The following VAV2 variants were observed in gnomAD, a reference collection of about 807,000 sequenced individuals.
VAV2 encodes guanine nucleotide exchange factor VAV2.
VAV2 carries 67 observed loss-of-function variants against 132.5 expected under a neutral mutation model. That is an observed-to-expected ratio of 0.51 (90% CI 0.42 to 0.62). The LOEUF is 0.62. VAV2 is among the 20% of genes least tolerant of loss of function. The pLI is 0.00. For missense variants in VAV2, 938 were observed against 1,153.6 expected (o/e 0.81, Z 2.71); for synonymous variants, 492 against 443.5 (o/e 1.11, Z -1.37).
rs570283324 is a variant in VAV2, at chr9:133,802,891, C to G, written c.836+3190G>C. On this transcript the variant is annotated intron_variant, in intron 9 of 29. Transcript: ENST00000371850. This position sits in a 1 kb window ranked among gnomAD's most constrained non-coding sequence, Gnocchi z 5.8. The stretch of plus-strand genomic sequence containing the variant: ...AAGGTGCACGGCTGAGCTGCCAGCT[C>G]TGGCCTCCGTTTCCCCATCTGGGAA... 2.0e-3 allele frequency among the ~76,000 whole-genome samples: 306 copies of G among 152,338 alleles called. 1 individual carries two copies. The highest frequency in any genetic ancestry group is 6.3e-3 in the African/African-American group (260 of 41,578).
intron 3 of VAV2, among the ~76,000 whole-genome samples, chr9:133,850,242 C>T (rs1471573239): frequency 1.3e-5 from 2 of 152,190 alleles, no homozygotes; most frequent in African/African-American, 4.8e-5. Flanking sequence ...CCAAGTCTCT[C>T]AACCTCAGGC....
chr9:133,925,787 G>A (rs1413080802), intron 2 of VAV2: 1 of 152,132 alleles, frequency 6.6e-6, no homozygotes. Context: ...AGTACTCCTG[G>A]AGAAAGGTCT....
At chr9:133,929,693 C>T (rs1407440328) in intron 2 of VAV2, among the ~76,000 whole-genome samples, 3 of 152,156 alleles carry the variant, frequency 2.0e-5, no homozygotes, top group African/African-American at 4.8e-5. Context: ...ATGACCACAG[C>T]TGCCCGTCCA....
intron 3 of VAV2, among the ~76,000 whole-genome samples, chr9:133,844,828 T>G (rs1448241367): frequency 6.6e-6 from 1 of 152,206 alleles, no homozygotes; most frequent in Non-Finnish European, 1.5e-5. Flanking sequence ...AGGCAAGGCT[T>G]GGGTCTGCCC....
intron 3 of VAV2, among the ~76,000 whole-genome samples, chr9:133,841,728 C>T (rs570115125): frequency 2.0e-5 from 3 of 152,228 alleles, no homozygotes; most frequent in Admixed American, 2.0e-4. Context: ...GGTCTGGGTT[C>T]AAGCCCTGGC....
chr9:133,943,555 A>C (rs561138190), intron 1 of VAV2, among the ~76,000 whole-genome samples: 2 of 152,316 alleles, frequency 1.3e-5, no homozygotes, highest in South Asian at 4.1e-4. Flanking sequence ...CTTTAAGTCC[A>C]GCTGAGTGGC....
At chr9:133,898,812 C>T (rs9792512) in intron 2 of VAV2, among the ~76,000 whole-genome samples, 22,741 of 118,824 alleles carry the variant, frequency 0.19, 2,162 homozygotes, top group African/African-American at 0.25. Context: ...GATGCAGACC[C>T]TGCCTTTTTT....
intron 2 of VAV2, among the ~76,000 whole-genome samples, chr9:133,894,790 C>T (rs1839130992): frequency 6.6e-6 from 1 of 152,192 alleles, no homozygotes; most frequent in Non-Finnish European, 1.5e-5. Flanking sequence ...GAAGTCCAGA[C>T]TTGGGGCCCC....
chr9:133,818,760 T>C (rs1187003559), intron 4 of VAV2, among the ~76,000 whole-genome samples: 2 of 152,200 alleles, frequency 1.3e-5, no homozygotes, highest in Non-Finnish European at 2.9e-5. Context: ...CATCTGAGGG[T>C]TGGCTTCTAT....
chr9:133,876,197 T>A (rs908742651), intron 2 of VAV2, among the ~76,000 whole-genome samples: 2 of 152,236 alleles, frequency 1.3e-5, no homozygotes, highest in Non-Finnish European at 2.9e-5. Context: ...GTCCCTGGTA[T>A]TAAATCTTCC....
intron 2 of VAV2, among the ~76,000 whole-genome samples, chr9:133,915,033 G>A (rs565976488): frequency 6.7e-4 from 102 of 152,250 alleles, no homozygotes; most frequent in Middle Eastern, 3.4e-3. Context: ...CACGGGTGCT[G>A]TGTCTGGGAA....
chr9:133,992,310 T>G lies in VAV2; in HGVS notation c.-32A>C. On this transcript the variant is annotated 5_prime_UTR_variant, in exon 1 of 30. Transcript: ENST00000371850. This position sits in a 1 kb window ranked among gnomAD's most constrained non-coding sequence, Gnocchi z 5.5. ...CGCGGGCCCGACCGGCTCAGGGCAGTGCTCGAGCCAAAGTGCAGCGGCCGC... is the reference window on the plus strand; with the variant it reads ...CGCGGGCCCGACCGGCTCAGGGCAGGGCTCGAGCCAAAGTGCAGCGGCCGC... 7.5e-7 allele frequency: 1 copy of G among 1,329,672 alleles called. No homozygotes were observed. The highest frequency in any genetic ancestry group is 9.7e-7 in the Non-Finnish European group (1 of 1,032,518). 82.4% of individuals were successfully genotyped at this position (1,329,672 alleles called of 1,614,324 possible). A position where few individuals can be genotyped will look rare whatever the true frequency, so the allele number is the denominator to read the frequency against.
chr9:133,818,299 G>T (rs1194497954), intron 4 of VAV2, among the ~76,000 whole-genome samples: 1 of 150,592 alleles, frequency 6.6e-6, no homozygotes, highest in African/African-American at 2.5e-5. Flanking sequence ...CTGGGAGGCA[G>T]AGCTTGCAGT....
chr9:133,918,334 T>C lies in VAV2; in HGVS notation c.321+20769A>G, dbSNP rs1419533538. ...GGAAGGCGGCGCTGGCTCCGAGCCT[T>C]GTGTCTGCATTTCCCGCACTTTCAT... is the stretch of plus-strand genomic sequence containing the variant. On this transcript the variant is annotated intron_variant, in intron 2 of 29. Transcript: ENST00000371850. The surrounding 1 kb of genome is among the most constrained non-coding windows in gnomAD (Gnocchi z 4.7). Among the ~76,000 whole-genome samples, 1 of 147,902 alleles carries C rather than the reference T, an allele frequency of 6.8e-6. No individual in the cohort carries two copies. The highest frequency in any genetic ancestry group is 2.1e-4 in the East Asian group (1 of 4,840).
At chr9:133,923,267 G>C (rs535577935) in intron 2 of VAV2, among the ~76,000 whole-genome samples, 1 of 152,300 alleles carries the variant, frequency 6.6e-6, no homozygotes, top group South Asian at 2.1e-4. Flanking sequence ...CCACTGGGGA[G>C]AACAGTACGG....
chr9:133,974,976 C>T (rs1308762235), intron 1 of VAV2, among the ~76,000 whole-genome samples: 4 of 152,346 alleles, frequency 2.6e-5, no homozygotes, highest in Middle Eastern at 3.4e-3. Flanking sequence ...GGGCCTTCCA[C>T]GTGATTCATG....
rs1834267691 is a variant in VAV2 at position 133,787,322 on chromosome 9, G to C, written c.1408-62C>G. 7.3e-6 allele frequency: 11 copies of C among 1,508,840 alleles called. No individual in the cohort carries two copies. In the South Asian group the frequency reaches 1.2e-4, roughly 17 times the overall value. 93.5% of individuals were successfully genotyped at this position (1,508,840 alleles called of 1,614,324 possible). On this transcript the variant is annotated intron_variant, in intron 15 of 29. Coordinates refer to ENST00000371850, the MANE Select transcript of VAV2 (RefSeq NM_001134398.2). ...TCAGTGAGAGGCTAAGCCCGGCCCTGTGGTGGGTGCCGCAGTGTGGAGGCG... is the reference window on the plus strand; with the variant it reads ...TCAGTGAGAGGCTAAGCCCGGCCCTCTGGTGGGTGCCGCAGTGTGGAGGCG...
chr9:133,853,112 G>A (rs971063042), intron 3 of VAV2, among the ~76,000 whole-genome samples: 2 of 152,210 alleles, frequency 1.3e-5, no homozygotes, highest in African/African-American at 2.4e-5. Context: ...TAAAAGCCGT[G>A]GCAGGCCCAG....
At chr9:133,929,269 G>C (rs575769042) in intron 2 of VAV2, among the ~76,000 whole-genome samples, 1 of 152,088 alleles carries the variant, frequency 6.6e-6, no homozygotes, top group African/African-American at 2.4e-5. Flanking sequence ...GTTCAAGTCC[G>C]GACAGTGGTG....
Sources: allele counts gnomAD v4.1 joint callset (sites outside exome capture counted in the v4.1 genomes callset), GRCh38; gene constraint gnomAD v4.1.1; non-coding constraint Gnocchi (gnomAD v3.1); transcripts MANE v1.5; gene names NCBI Gene and HGNC (gene_info 2026-07-23, HGNC 2026-07-21).